The following FMR1 variants were observed in gnomAD, a reference collection of about 807,000 sequenced individuals.
FMR1 encodes the protein FMRP translational regulator 1.
In FMR1, 13 loss-of-function variants were observed where a neutral mutation model predicts 50.6. The ratio of observed to expected loss-of-function variants is 0.26; its 90% CI spans 0.17 to 0.41. The LOEUF (loss-of-function observed/expected upper bound fraction) is 0.41, where lower values mean the gene tolerates loss of function less well. Among genes scored for constraint, FMR1 ranks in the 10% least tolerant of loss-of-function variants. The pLI is 1.00. For missense variants in FMR1, 316 were observed against 491.3 expected (o/e 0.64, Z 3.37); for synonymous variants, 138 against 164.1 (o/e 0.84, Z 1.22).
chrX:147,921,846 A>G, intron 1 of FMR1, 87 bp from the exon 2 acceptor site: 1 of 584,354 alleles, frequency 1.7e-6, no homozygotes, highest in Non-Finnish European at 2.9e-6. Context: ...ATAAACACAT[A>G]AAACGTTTGG....
At chrX:147,921,169 T>C (rs1317799016) in intron 1 of FMR1, among the ~76,000 whole-genome samples, 2 of 111,962 alleles carry the variant, frequency 1.8e-5, no homozygotes, top group African/African-American at 6.5e-5. Flanking sequence ...CTTCTAATTG[T>C]CCAAAACAAA....
At chrX:147,939,403 A>G (rs1337158877) in intron 12 of FMR1, among the ~76,000 whole-genome samples, 1 of 111,626 alleles carries the variant, frequency 9.0e-6, no homozygotes, top group East Asian at 2.8e-4. Context: ...AAATTTTCAG[A>G]GTACATTATT....
At chrX:147,935,466 C>G (rs539036839) in intron 9 of FMR1, among the ~76,000 whole-genome samples, 1 of 111,842 alleles carries the variant, frequency 8.9e-6, no homozygotes, top group Admixed American at 9.5e-5. Context: ...CCTTTAAAGG[C>G]GAAAAGGAAA....
intron 1 of FMR1, among the ~76,000 whole-genome samples, chrX:147,916,386 G>C (rs533292370): frequency 1.8e-5 from 2 of 111,437 alleles, no homozygotes; most frequent in African/African-American, 6.5e-5. Flanking sequence ...GAGGTTTATT[G>C]TCTCTCTTTA....
intron 16 of FMR1, 157 bp from the exon 17 acceptor site, chrX:147,948,526 C>A (rs1280987371): frequency 2.7e-6 from 3 of 1,109,595 alleles, no homozygotes; most frequent in East Asian, 3.3e-5. Context: ...AATAAAGAAT[C>A]CTACCTTACA....
rs782168621 is a variant in FMR1 at position 147,938,067 on chromosome X, TG to T, written c.1126-31del. 3 of 1,127,732 alleles carry T rather than the reference TG, an allele frequency of 2.7e-6. No individual in the cohort carries two copies. The East Asian group carries it at 9.0e-5, about 34-fold the overall frequency. 92.9% of individuals were successfully genotyped at this position (1,127,732 alleles called of 1,213,427 possible). ...TCTGTGTATCGTTTGTTATAGTTAATGACATCCCTTGCATTCCTTATACTGC... is the reference window on the plus strand; with the variant it reads ...TCTGTGTATCGTTTGTTATAGTTAATACATCCCTTGCATTCCTTATACTGC... On this transcript the variant is annotated intron_variant, in intron 11 of 16. Coordinates refer to ENST00000370475, the MANE Select transcript of FMR1 (RefSeq NM_002024.6).
chrX:147,925,822 T>C (rs1008099883), intron 3 of FMR1, among the ~76,000 whole-genome samples, 189 bp downstream of exon 3: 2 of 112,274 alleles, frequency 1.8e-5, no homozygotes, highest in Non-Finnish European at 3.8e-5. Flanking sequence ...TACATTTGGC[T>C]ATTTGAGCAG....
At chrX:147,939,255 T>G (rs1421464834) in intron 12 of FMR1, among the ~76,000 whole-genome samples, 2 of 97,043 alleles carry the variant, frequency 2.1e-5, no homozygotes, top group Non-Finnish European at 3.9e-5. Flanking sequence ...GAAGTAGTTG[T>G]TTTTTTTTTC....
chrX:147,924,674 A>AT lies in FMR1; in HGVS notation c.105-851dup, dbSNP rs35111332. On this transcript the variant is annotated intron_variant, in intron 2 of 16. Coordinates refer to ENST00000370475, the MANE Select transcript of FMR1 (RefSeq NM_002024.6). ...CTATAGGCACATACCACTGCACCTA[A>AT]TTTTTTTTTTTTTTTAATAATTTGT... Among the ~76,000 whole-genome samples, 134 of 95,855 alleles carry AT rather than the reference A, an allele frequency of 1.4e-3. 1 individual carries two copies. Among genetic ancestry groups the AT allele is most frequent in the East Asian group, 3.8e-3 (12 of 3,119 alleles). 83.2% of individuals were successfully genotyped at this position (95,855 alleles called of 115,157 possible).
chrX:147,915,217 A>G (rs958187757), intron 1 of FMR1, among the ~76,000 whole-genome samples: 1 of 112,128 alleles, frequency 8.9e-6, no homozygotes, highest in African/African-American at 3.2e-5. Flanking sequence ...GCTAAATATG[A>G]TAAAGTGTAC....
Position 147,949,575 on chromosome X carries a change from G to T in FMR1, c.*731G>T. The T allele has an allele frequency of 6.1e-6, 2 of 329,208 alleles. No individual in the cohort carries two copies. Among genetic ancestry groups the T allele is most frequent in the Non-Finnish European group, 1.2e-5 (2 of 169,821 alleles). The allele number at this position is 329,208 out of a possible 1,213,427, so 27.1% of individuals were successfully genotyped here. On this transcript the variant is annotated 3_prime_UTR_variant, in exon 17 of 17. Transcript: ENST00000370475. Reference sequence around the variant, plus strand: ...ATCAGGTTAGGCAGTATAAAGAATAGGACTTGTTTTTGTTTTTGTTTTGTT... The same window carrying T: ...ATCAGGTTAGGCAGTATAAAGAATATGACTTGTTTTTGTTTTTGTTTTGTT...
intron 2 of FMR1, among the ~76,000 whole-genome samples, chrX:147,924,658 C>T (rs1286427096): frequency 9.6e-6 from 1 of 103,728 alleles, no homozygotes; most frequent in African/African-American, 3.5e-5. Flanking sequence ...ACTATAGGCA[C>T]ATACCACTGC....
At chrX:147,913,930 G>A (rs1668066337) in intron 1 of FMR1, 1 of 111,757 alleles carries the variant, frequency 8.9e-6, no homozygotes, top group Non-Finnish European at 1.9e-5. Context: ...GCAAGATTTT[G>A]ATTGACCTGT....
chrX:147,938,995 T>C (rs2049689852), intron 12 of FMR1, among the ~76,000 whole-genome samples: 1 of 112,049 alleles, frequency 8.9e-6, no homozygotes, highest in Non-Finnish European at 1.9e-5. Flanking sequence ...AGAAAAGATA[T>C]TCGTAAATAA....
chrX:147,932,974 A>G (rs1017674831), intron 9 of FMR1, among the ~76,000 whole-genome samples: 1 of 109,144 alleles, frequency 9.2e-6, no homozygotes, highest in Non-Finnish European at 1.9e-5. Context: ...TATACACGTG[A>G]CATGCTGGTG....
intron 1 of FMR1, 105 bp downstream of exon 1, chrX:147,912,335 C>T: frequency 1.2e-6 from 1 of 801,247 alleles, no homozygotes; most frequent in Non-Finnish European, 1.8e-6. Context: ...AGCACCGCGC[C>T]TGGGTGCCAG....
intron 11 of FMR1, 45 bp downstream of exon 11, chrX:147,937,645 C>A: frequency 1.5e-6 from 1 of 648,188 alleles, no homozygotes; most frequent in Non-Finnish European, 2.6e-6. Context: ...AGTAATTTGT[C>A]TCAGATGTCA....
chrX:147,936,644 A>G lies in FMR1; in HGVS notation c.990+31A>G, dbSNP rs782382658. The G allele has an allele frequency of 1.3e-5, 12 of 924,458 alleles. No homozygotes were observed. The South Asian group carries it at 2.2e-4, about 17-fold the overall frequency. The allele number at this position is 924,458 out of a possible 1,213,427, so 76.2% of individuals were successfully genotyped here. Reference sequence around the variant, plus strand: ...TTACAGTGCGAATATTTTGTGGCACATATAATAAAAGTAAAAGTTTTTTAT... The same window carrying G: ...TTACAGTGCGAATATTTTGTGGCACGTATAATAAAAGTAAAAGTTTTTTAT... On this transcript the variant is annotated intron_variant, in intron 10 of 16. Coordinates refer to ENST00000370475, the MANE Select transcript of FMR1 (RefSeq NM_002024.6).
intron 2 of FMR1, among the ~76,000 whole-genome samples, chrX:147,922,324 G>A (rs1223478655): frequency 1.8e-5 from 2 of 111,788 alleles, no homozygotes; most frequent in African/African-American, 6.5e-5. Context: ...AGATTCATGG[G>A]TATTGCTAAA....
Sources: allele counts gnomAD v4.1 joint callset (sites outside exome capture counted in the v4.1 genomes callset), GRCh38; gene constraint gnomAD v4.1.1; transcripts MANE v1.5; gene names NCBI Gene and HGNC (gene_info 2026-07-23, HGNC 2026-07-21).